The following BCAS1 variants were observed in gnomAD, a reference collection of about 807,000 sequenced individuals.
BCAS1 encodes the protein breast carcinoma-amplified sequence 1.
Under a neutral mutation model 65.4 loss-of-function variants are expected in BCAS1, and 46 were observed. The ratio of observed to expected loss-of-function variants is 0.70; its 90% CI spans 0.55 to 0.90. BCAS1 has a LOEUF of 0.90. BCAS1 is among the 40% of genes least tolerant of loss of function. BCAS1 has a pLI of 0.00. For synonymous variants in BCAS1, 298 were observed against 293.5 expected, an observed-to-expected ratio of 1.02 and a Z score of -0.16; for missense variants, 793 against 771.2, an observed-to-expected ratio of 1.03 and a Z score of -0.33.
At chr20:53,958,108 C>T (rs1743976714) in intron 10 of BCAS1, among the ~76,000 whole-genome samples, 1 of 152,052 alleles carries the variant, frequency 6.6e-6, no homozygotes, top group South Asian at 2.1e-4. Flanking sequence ...ATTCTGGAGA[C>T]CCAGGCTGGA....
intron 1 of BCAS1, among the ~76,000 whole-genome samples, chr20:54,069,860 T>C (rs954808923): frequency 5.3e-5 from 8 of 152,152 alleles, no homozygotes; most frequent in African/African-American, 1.9e-4. Flanking sequence ...TCGCAATGAC[T>C]CTTCCAGGCA....
chr20:53,998,804 C>A (rs2090985983), intron 4 of BCAS1, among the ~76,000 whole-genome samples: 1 of 152,136 alleles, frequency 6.6e-6, no homozygotes, highest in African/African-American at 2.4e-5. Flanking sequence ...GAATAATATA[C>A]AATGCCAATA....
chr20:53,966,747 G>A (rs1343202063), intron 10 of BCAS1, among the ~76,000 whole-genome samples, 159 bp downstream of exon 10: 1 of 152,176 alleles, frequency 6.6e-6, no homozygotes, highest in African/African-American at 2.4e-5. Flanking sequence ...TGAATCAGAA[G>A]GAAGAAAGGG....
chr20:53,950,392 T>G (rs1367607861), intron 12 of BCAS1, among the ~76,000 whole-genome samples: 1 of 151,892 alleles, frequency 6.6e-6, no homozygotes, highest in Non-Finnish European at 1.5e-5. Context: ...CAGATGTATC[T>G]CCTCAGAGAC....
chr20:54,066,441 C>G (rs1247207918), intron 1 of BCAS1, among the ~76,000 whole-genome samples: 1 of 152,218 alleles, frequency 6.6e-6, no homozygotes, highest in Admixed American at 6.5e-5. Flanking sequence ...AAACTCCTCA[C>G]TTAAGATCAT....
Position 53,985,394 on chromosome 20 carries a change from G to T in BCAS1, c.1168C>A (p.Pro390Thr), listed in dbSNP as rs1359287893. ...GTCACGGACTGTGTGTGCCCCGATG[G>T]GTTGCATCCTTTGGAATTCTTGCCA... ...GAGKNSKGCNPSGHTQSVTTP... is the reference protein window; with the variant it reads ...GAGKNSKGCNTSGHTQSVTTP... Residue 390 changes from proline (P) to threonine (T), a missense_variant, in exon 8 of 13, where the codon CCA (proline) becomes ACA (threonine). Physicochemically the swap from Pro to Thr is conservative, Grantham distance 38. Transcript: ENST00000688948. The T allele has an allele frequency of 6.2e-7, 1 of 1,614,032 alleles. No homozygotes were observed. Among genetic ancestry groups the T allele is most frequent in the South Asian group, 1.1e-5 (1 of 91,074 alleles).
intron 4 of BCAS1, among the ~76,000 whole-genome samples, chr20:54,017,666 A>C (rs2146006707): frequency 6.6e-6 from 1 of 152,116 alleles, no homozygotes; most frequent in East Asian, 1.9e-4. Context: ...AAACTGCTGA[A>C]ATTATAGGTG....
At chr20:53,989,128 T>C (rs2090688044) in intron 7 of BCAS1, among the ~76,000 whole-genome samples, 1 of 152,174 alleles carries the variant, frequency 6.6e-6, no homozygotes, top group African/African-American at 2.4e-5. Context: ...ATTTGTTACA[T>C]TAAAATTTCG....
intron 3 of BCAS1, among the ~76,000 whole-genome samples, chr20:54,044,577 C>A (rs986919570): frequency 6.6e-6 from 1 of 152,180 alleles, no homozygotes; most frequent in Non-Finnish European, 1.5e-5. Flanking sequence ...GTGGCTCATG[C>A]CTATAATCCC....
At chr20:54,044,497 A>C (rs2092060178) in intron 3 of BCAS1, among the ~76,000 whole-genome samples, 1 of 152,216 alleles carries the variant, frequency 6.6e-6, no homozygotes, top group Non-Finnish European at 1.5e-5. Context: ...AAGTCCTTAA[A>C]AATTTAAAAC....
intron 4 of BCAS1, among the ~76,000 whole-genome samples, chr20:54,002,961 T>C (rs1175057037): frequency 6.6e-6 from 1 of 152,146 alleles, no homozygotes; most frequent in Non-Finnish European, 1.5e-5. Context: ...ACTGCGTGTG[T>C]CTCATTCACA....
At chr20:53,987,310 G>A (rs2145789865) in intron 7 of BCAS1, among the ~76,000 whole-genome samples, 2 of 152,286 alleles carry the variant, frequency 1.3e-5, no homozygotes, top group East Asian at 3.9e-4. Flanking sequence ...TATACAAAAT[G>A]GCAAAATGTT....
Position 54,028,662 on chromosome 20 carries a change from A to G in BCAS1, c.453T>C (p.Asp151=). The G allele has an allele frequency of 6.2e-7, 1 of 1,614,002 alleles. No homozygotes were observed. Among genetic ancestry groups the G allele is most frequent in the Non-Finnish European group, 8.5e-7 (1 of 1,179,994 alleles). Residue 151 remains aspartate (D), a synonymous_variant, in exon 4 of 13, where the codon GAT becomes GAC. Transcript: ENST00000688948. ...PVAAGPGQDT[D]KTPGHAPAQD... ...GGGCCGGGGCGTGCCCTGGGGTTTT[A>G]TCTGTGTCCTGCCCCGGTCCAGCTG...
rs141266574 is a variant in BCAS1, at chr20:53,988,114, G to A, written c.1063-2615C>T. ...TAGAAGGGCGGCTCCATGGCCCCAC[G>A]CTATTTTGGTGTAACTTCTGTGGCT... On this transcript the variant is annotated intron_variant, in intron 7 of 12. Transcript: ENST00000688948. Among the ~76,000 whole-genome samples, 31 of 152,262 alleles carry A rather than the reference G, an allele frequency of 2.0e-4. No individual in the cohort carries two copies. The East Asian group carries it at 2.7e-3, about 13-fold the overall frequency.
intron 3 of BCAS1, among the ~76,000 whole-genome samples, chr20:54,041,102 A>C (rs1012720132): frequency 2.0e-5 from 3 of 151,470 alleles, no homozygotes; most frequent in Non-Finnish European, 4.4e-5. Flanking sequence ...GTATGATTCC[A>C]TTTATATAAA....
chr20:53,964,003 C>T (rs939701767), intron 10 of BCAS1, among the ~76,000 whole-genome samples: 2 of 152,196 alleles, frequency 1.3e-5, no homozygotes, highest in African/African-American at 2.4e-5. Context: ...TTTTATTCTC[C>T]GCCGGGGGAG....
chr20:53,960,057 G>A (rs1204370039), intron 10 of BCAS1, among the ~76,000 whole-genome samples: 1 of 152,162 alleles, frequency 6.6e-6, no homozygotes, highest in Non-Finnish European at 1.5e-5. Flanking sequence ...CCATTCCCAA[G>A]TGGCCTTTAC....
chr20:53,945,286 C>T (rs907956145), intron 12 of BCAS1, among the ~76,000 whole-genome samples: 1 of 152,078 alleles, frequency 6.6e-6, no homozygotes, highest in African/African-American at 2.4e-5. Context: ...AGGGTTGTTC[C>T]CAAGATAAAG....
At chr20:53,958,114 C>T (rs903985824) in intron 10 of BCAS1, among the ~76,000 whole-genome samples, 1 of 152,060 alleles carries the variant, frequency 6.6e-6, no homozygotes, top group South Asian at 2.1e-4. Flanking sequence ...GAGACCCAGG[C>T]TGGATCTAAT....
Sources: allele counts gnomAD v4.1 joint callset (sites outside exome capture counted in the v4.1 genomes callset), GRCh38; gene constraint gnomAD v4.1.1; transcripts MANE v1.5; gene names NCBI Gene and HGNC (gene_info 2026-07-23, HGNC 2026-07-21).